Variants in ZFYVE28 observed in about 807,000 individuals in gnomAD.
The protein encoded by ZFYVE28 is lateral signaling target protein 2 homolog.
Under a neutral mutation model 82.1 loss-of-function variants are expected in ZFYVE28, and 40 were observed. That is an observed-to-expected ratio of 0.49 (90% CI 0.38 to 0.63). The LOEUF (loss-of-function observed/expected upper bound fraction) is 0.63. Ranked by LOEUF, ZFYVE28 falls within the 30% of genes least tolerant of loss-of-function variation. The pLI is 0.00. For missense variants in ZFYVE28, 1,321 were observed against 1,242.1 expected, an observed-to-expected ratio of 1.06 and a Z score of -0.96; for synonymous variants, 612 against 546.1, an observed-to-expected ratio of 1.12 and a Z score of -1.68.
At chr4:2,298,613 C>A (rs1030864599) in intron 8 of ZFYVE28, among the ~76,000 whole-genome samples, 1 of 152,228 alleles carries the variant, frequency 6.6e-6, no homozygotes, top group Non-Finnish European at 1.5e-5. Context: ...TCCTACCATT[C>A]TACCTAGAGC....
At chr4:2,349,448 C>T (rs1724042904) in intron 2 of ZFYVE28, among the ~76,000 whole-genome samples, 2 of 151,942 alleles carry the variant, frequency 1.3e-5, no homozygotes, top group Admixed American at 1.3e-4. Context: ...AGCGCACCAG[C>T]ATGGGACATG....
At chr4:2,319,398 G>A (rs577262976) in intron 7 of ZFYVE28, among the ~76,000 whole-genome samples, 4 of 152,302 alleles carry the variant, frequency 2.6e-5, no homozygotes, top group African/African-American at 7.2e-5. Flanking sequence ...ATCTGCAAGG[G>A]TGACGAGGAC....
intron 7 of ZFYVE28, among the ~76,000 whole-genome samples, chr4:2,306,446 C>T (rs1206678622): frequency 6.6e-6 from 1 of 152,218 alleles, no homozygotes; most frequent in African/African-American, 2.4e-5. Flanking sequence ...CTGGCTCTCG[C>T]ATGACACCAT....
In ZFYVE28 at chr4:2,339,601, G is replaced by A. The variant is rs770379343; in HGVS notation, c.373C>T (p.Arg125Cys). Reference protein sequence around the residue: ...MNRELESMAMRPLAKELTRSL... With the variant: ...MNRELESMAMCPLAKELTRSL... Reference sequence around the variant, plus strand: ...CGCGTCAGCTCCTTGGCCAGCGGGCGCATGGCCATGCTCTCCAGCTCCCGG... The same window carrying A: ...CGCGTCAGCTCCTTGGCCAGCGGGCACATGGCCATGCTCTCCAGCTCCCGG... The change falls in exon 4 of 13, where the codon CGC becomes TGC. Residue 125 changes from arginine (R) to cysteine (C), a missense_variant. This residue lies in a region of ZFYVE28 where 343 missense variants were observed against 408.4 expected (regional missense o/e 0.84). Transcript: ENST00000290974. This position sits in a 1 kb window ranked among gnomAD's most constrained non-coding sequence, Gnocchi z 5.0. 38 of 1,610,708 alleles carry A rather than the reference G, an allele frequency of 2.4e-5. No individual in the cohort carries two copies. The highest frequency in any genetic ancestry group is 2.7e-5 in the Non-Finnish European group (32 of 1,178,938).
intron 1 of ZFYVE28, among the ~76,000 whole-genome samples, chr4:2,410,656 C>T (rs2097297): frequency 0.36 from 55,318 of 151,630 alleles, 10,479 homozygotes; most frequent in East Asian, 0.52. Context: ...CCACCACACC[C>T]GGCTAATTTT....
chr4:2,383,037 T>C (rs1046482500), intron 1 of ZFYVE28, among the ~76,000 whole-genome samples: 3 of 152,084 alleles, frequency 2.0e-5, no homozygotes, highest in African/African-American at 7.2e-5. Flanking sequence ...TCTCACAACA[T>C]GTGGGAATTC....
rs1447392393 is a variant in ZFYVE28 at position 2,409,776 on chromosome 4, A to G, written c.39+8509T>C. Among the ~76,000 whole-genome samples the G allele has an allele frequency of 6.6e-6, 1 of 152,200 alleles. No homozygotes were observed. The highest frequency in any genetic ancestry group is 1.5e-5 in the Non-Finnish European group (1 of 68,032). On this transcript the variant is annotated intron_variant, in intron 1 of 12. Coordinates refer to ENST00000290974, the MANE Select transcript of ZFYVE28 (RefSeq NM_020972.3). This position sits in a 1 kb window ranked among gnomAD's most constrained non-coding sequence, Gnocchi z 4.4. Reference sequence around the variant, plus strand: ...TGTCAGAACTACCCAACCACGATCAATCCCAGACACAGAACTCCTTCACGC... The same window carrying G: ...TGTCAGAACTACCCAACCACGATCAGTCCCAGACACAGAACTCCTTCACGC...
chr4:2,314,560 A>G (rs930134450), intron 7 of ZFYVE28, among the ~76,000 whole-genome samples: 5 of 152,198 alleles, frequency 3.3e-5, no homozygotes, highest in Non-Finnish European at 5.9e-5. Flanking sequence ...TTATCCTAAT[A>G]TTGTAATAGT....
At chr4:2,376,169 G>C (rs933742141) in intron 1 of ZFYVE28, among the ~76,000 whole-genome samples, 30 of 150,862 alleles carry the variant, frequency 2.0e-4, no homozygotes, top group African/African-American at 6.3e-4. Flanking sequence ...CACCGTGCCT[G>C]GCCCCAAATA....
intron 1 of ZFYVE28, among the ~76,000 whole-genome samples, chr4:2,375,133 C>T (rs1727982934): frequency 6.6e-6 from 1 of 152,222 alleles, no homozygotes; most frequent in African/African-American, 2.4e-5. Context: ...CCTGGGCTCA[C>T]GTCCCCTTCC....
chr4:2,274,346 C>T (rs1736205839), intron 8 of ZFYVE28, 130 bp from the exon 9 acceptor site: 2 of 1,183,404 alleles, frequency 1.7e-6, no homozygotes, highest in African/African-American at 1.6e-5. Context: ...TATCTGTTGC[C>T]CAGATACACA....
At chr4:2,328,320 T>A (rs1441888415) in intron 6 of ZFYVE28, among the ~76,000 whole-genome samples, 2 of 152,246 alleles carry the variant, frequency 1.3e-5, no homozygotes, top group Non-Finnish European at 2.9e-5. Flanking sequence ...AAATACCATA[T>A]GTTCTCACTT....
chr4:2,271,991 T>C (rs1314939039), intron 10 of ZFYVE28, among the ~76,000 whole-genome samples: 1 of 152,152 alleles, frequency 6.6e-6, no homozygotes, highest in Non-Finnish European at 1.5e-5. Context: ...TTGCACAACA[T>C]GGGGGCCCAG....
chr4:2,360,879 A>G (rs1042276048), intron 1 of ZFYVE28, among the ~76,000 whole-genome samples: 2 of 152,198 alleles, frequency 1.3e-5, no homozygotes, highest in African/African-American at 4.8e-5. Context: ...TTAATGTTCC[A>G]TCACTGACAA....
At position 2,304,723 on chromosome 4, in the gene ZFYVE28, C is replaced by T. The variant is rs759517543; in HGVS notation, c.1617G>A (p.Glu539=). ...SAVATQEAAS[E]PVAEGMDGGP... ...CGCCATCCATCCCCTCGGCCACGGG[C>T]TCCGAGGCGGCCTCCTGGGTGGCGA... Residue 539 remains glutamate (E), a synonymous_variant, in exon 8 of 13, where the codon GAG becomes GAA. Coordinates refer to ENST00000290974, the MANE Select transcript of ZFYVE28 (RefSeq NM_020972.3). The T allele has an allele frequency of 6.2e-6, 10 of 1,612,620 alleles. No individual in the cohort carries two copies. In the Admixed American group the frequency reaches 1.3e-4, roughly 22 times the overall value.
intron 8 of ZFYVE28, among the ~76,000 whole-genome samples, chr4:2,302,360 C>T (rs1040369416): frequency 2.0e-5 from 3 of 152,216 alleles, no homozygotes. Flanking sequence ...GCAAGTTCTA[C>T]ACACATAATG....
chr4:2,374,948 G>T (rs532751576), intron 1 of ZFYVE28, among the ~76,000 whole-genome samples: 1 of 152,324 alleles, frequency 6.6e-6, no homozygotes, highest in African/African-American at 2.4e-5. Flanking sequence ...GGTGCCCGTG[G>T]ATAAGGACAG....
intron 1 of ZFYVE28, among the ~76,000 whole-genome samples, chr4:2,361,841 A>C (rs1486206586): frequency 6.6e-6 from 1 of 152,072 alleles, no homozygotes; most frequent in Non-Finnish European, 1.5e-5. Context: ...TTAAAGAGAC[A>C]CCTTGTCACT....
intron 1 of ZFYVE28, among the ~76,000 whole-genome samples, chr4:2,415,954 C>T (rs1438909997): frequency 6.6e-6 from 1 of 152,168 alleles, no homozygotes; most frequent in Non-Finnish European, 1.5e-5. Context: ...AATGGAGATA[C>T]GTCTCAAGTC....
Sources: allele counts gnomAD v4.1 joint callset (sites outside exome capture counted in the v4.1 genomes callset), GRCh38; gene constraint gnomAD v4.1.1; regional missense constraint gnomAD v4.1.1; non-coding constraint Gnocchi (gnomAD v3.1); transcripts MANE v1.5; gene names NCBI Gene and HGNC (gene_info 2026-07-23, HGNC 2026-07-21).